The following TNFRSF19 variants were observed in gnomAD, a reference collection of about 807,000 sequenced individuals.
The protein encoded by TNFRSF19 is tumor necrosis factor receptor superfamily member 19.
A neutral mutation model predicts 46.4 loss-of-function variants in TNFRSF19; 27 were observed. The ratio of observed to expected loss-of-function variants is 0.58; its 90% CI spans 0.43 to 0.80. The LOEUF (loss-of-function observed/expected upper bound fraction) is 0.80. TNFRSF19 is among the 30% of genes least tolerant of loss of function. TNFRSF19 has a pLI of 0.00. For missense variants in TNFRSF19, 511 were observed against 530.8 expected (o/e 0.96, Z 0.37); for synonymous variants, 204 against 205.0 (o/e 1.00, Z 0.04).
At chr13:23,639,074 T>C (rs77648492) in intron 5 of TNFRSF19, among the ~76,000 whole-genome samples, 3,972 of 152,244 alleles carry the variant, frequency 0.026, 116 homozygotes, top group Admixed American at 0.076. Flanking sequence ...TTTATACTAA[T>C]AAATAAAAAC....
At chr13:23,635,950 A>G (rs1436956255) in intron 5 of TNFRSF19, among the ~76,000 whole-genome samples, 5 of 152,222 alleles carry the variant, frequency 3.3e-5, no homozygotes, top group Non-Finnish European at 5.9e-5. Flanking sequence ...TAACTTATGT[A>G]ATCATTTCCC....
At chr13:23,647,052 T>C (rs2138353751) in intron 5 of TNFRSF19, among the ~76,000 whole-genome samples, 1 of 152,372 alleles carries the variant, frequency 6.6e-6, no homozygotes, top group East Asian at 1.9e-4. Context: ...GAGCATCTTT[T>C]CGTGTGCTAA....
At chr13:23,626,559 C>T in intron 4 of TNFRSF19, 148 bp from the exon 5 acceptor site, 1 of 677,914 alleles carries the variant, frequency 1.5e-6, no homozygotes, top group Non-Finnish European at 2.4e-6. Context: ...GCTTCCTCTT[C>T]AAAAATGTGT....
intron 5 of TNFRSF19, among the ~76,000 whole-genome samples, chr13:23,650,580 G>T (rs1458672959): frequency 2.0e-5 from 3 of 152,174 alleles, no homozygotes; most frequent in Non-Finnish European, 2.9e-5. Flanking sequence ...GGCTTGCCAG[G>T]GGCTGCAGGG....
At chr13:23,605,899 T>G (rs188565650) in intron 3 of TNFRSF19, among the ~76,000 whole-genome samples, 31 of 152,310 alleles carry the variant, frequency 2.0e-4, no homozygotes, top group Admixed American at 6.5e-4. Context: ...CATTCTGTGT[T>G]GTTCAAACTC....
At chr13:23,581,437 C>T (rs961258091) in intron 1 of TNFRSF19, among the ~76,000 whole-genome samples, 6 of 151,270 alleles carry the variant, frequency 4.0e-5, no homozygotes, top group Non-Finnish European at 7.4e-5. Context: ...TGAGCCACCG[C>T]GCCCGGCCGT....
At chr13:23,643,126 C>T (rs960823200) in intron 5 of TNFRSF19, among the ~76,000 whole-genome samples, 10 of 152,208 alleles carry the variant, frequency 6.6e-5, no homozygotes, top group African/African-American at 2.2e-4. Context: ...TAACAATAAA[C>T]TTATTTCTCT....
intron 1 of TNFRSF19, among the ~76,000 whole-genome samples, chr13:23,577,350 C>G (rs1373685194): frequency 6.6e-6 from 1 of 152,220 alleles, no homozygotes; most frequent in Non-Finnish European, 1.5e-5. Flanking sequence ...AGAAGAAGAA[C>G]ATTTGGTTGA....
intron 5 of TNFRSF19, among the ~76,000 whole-genome samples, chr13:23,644,187 A>G (rs957954438): frequency 6.6e-6 from 1 of 152,304 alleles, no homozygotes; most frequent in African/African-American, 2.4e-5. Context: ...ATTGCTCACC[A>G]TAGGGGAAAA....
chr13:23,598,315 C>T (rs1305093359), intron 3 of TNFRSF19, among the ~76,000 whole-genome samples: 2 of 152,124 alleles, frequency 1.3e-5, no homozygotes, highest in African/African-American at 4.8e-5. Flanking sequence ...AGCAAACCAC[C>T]ATGGCACATT....
At chr13:23,667,067 T>TG (rs1491138847) in intron 7 of TNFRSF19, among the ~76,000 whole-genome samples, 75 of 149,500 alleles carry the variant, frequency 5.0e-4, no homozygotes, top group South Asian at 2.3e-3. Context: ...TGTGTGTGTC[T>TG]TTGTGTGTGT....
chr13:23,590,077 G>A (rs7333639), intron 1 of TNFRSF19, 73 bp from the exon 2 acceptor site: 155,701 of 659,348 alleles, frequency 0.24, 19,767 homozygotes, highest in African/African-American at 0.38. Context: ...GTAAGTGGTA[G>A]ATATTATATA....
At chr13:23,623,206 A>T (rs1428125225) in intron 4 of TNFRSF19, among the ~76,000 whole-genome samples, 1 of 152,176 alleles carries the variant, frequency 6.6e-6, no homozygotes, top group Non-Finnish European at 1.5e-5. Flanking sequence ...GTCATTCAGT[A>T]TCTGTCTTTT....
chr13:23,669,412 C>T (rs775129101), intron 9 of TNFRSF19: 8 of 1,100,900 alleles, frequency 7.3e-6, no homozygotes, highest in Non-Finnish European at 8.8e-6. Flanking sequence ...ATCTTGCAGA[C>T]AATTCCTGAC....
intron 3 of TNFRSF19, among the ~76,000 whole-genome samples, chr13:23,610,326 G>A (rs1003165258): frequency 2.6e-5 from 4 of 152,164 alleles, no homozygotes; most frequent in African/African-American, 9.7e-5. Context: ...AGAGAGAAGG[G>A]GATTTGGGGA....
intron 5 of TNFRSF19, among the ~76,000 whole-genome samples, chr13:23,653,999 T>A (rs1275530284): frequency 1.3e-5 from 2 of 152,070 alleles, no homozygotes; most frequent in African/African-American, 4.8e-5. Flanking sequence ...TCTTGGTGTC[T>A]GCGTGAGGAG....
intron 3 of TNFRSF19, among the ~76,000 whole-genome samples, chr13:23,596,182 CT>C (rs1223249081): frequency 1.3e-5 from 2 of 152,166 alleles, no homozygotes; most frequent in Non-Finnish European, 2.9e-5. Flanking sequence ...ACCATTGACA[CT>C]ATGAAGAAAC....
In TNFRSF19 at chr13:23,674,420, C is replaced by T. The variant is rs1049569650; in HGVS notation, c.*1040C>T. 2.0e-5 allele frequency: 3 copies of T among 152,236 alleles called. No individual in the cohort carries two copies. The highest frequency in any genetic ancestry group is 2.0e-4 in the Admixed American group (3 of 15,282). The allele number at this position is 152,236 out of a possible 1,614,324, so 9.4% of individuals were successfully genotyped here. A position where few individuals can be genotyped will look rare whatever the true frequency, so the allele number is the denominator to read the frequency against. On this transcript the variant is annotated 3_prime_UTR_variant, in exon 10 of 10. Transcript: ENST00000248484. Reference sequence around the variant, plus strand: ...AGGGGTTTGGATGAAGCAGCTGTAACTGCCCTAGTGTAGTTTGACCAGGAC... The same window carrying T: ...AGGGGTTTGGATGAAGCAGCTGTAATTGCCCTAGTGTAGTTTGACCAGGAC...
chr13:23,605,297 C>G (rs1391930380), intron 3 of TNFRSF19, among the ~76,000 whole-genome samples: 1 of 152,130 alleles, frequency 6.6e-6, no homozygotes, highest in Non-Finnish European at 1.5e-5. Flanking sequence ...ATCCAGAATC[C>G]AGAACACAGA....
Sources: gnomAD v4.1 joint callset for allele counts (sites outside exome capture counted in the v4.1 genomes callset) on GRCh38, gnomAD v4.1.1 for gene constraint, MANE v1.5 for transcripts, NCBI Gene and HGNC (gene_info 2026-07-23, HGNC 2026-07-21) for gene names.